ERC1: variants seen among roughly 807,000 people sequenced by gnomAD.
The protein encoded by ERC1 is ELKS/RAB6-interacting/CAST family member 1.
In ERC1, 56 loss-of-function variants were observed where a neutral mutation model predicts 132.0. The observed-to-expected ratio is 0.42, with a 90% CI of 0.34 to 0.53. The LOEUF (loss-of-function observed/expected upper bound fraction) is 0.53, where lower values mean the gene tolerates loss of function less well. Ranked by LOEUF, ERC1 falls within the 20% of genes least tolerant of loss-of-function variation. The pLI is 0.03. For missense variants in ERC1, 1,202 were observed against 1,349.9 expected (o/e 0.89, Z 1.72); for synonymous variants, 478 against 476.1 (o/e 1.00, Z -0.05).
intron 15 of ERC1, among the ~76,000 whole-genome samples, chr12:1,347,527 T>C (rs2084593620): frequency 6.6e-6 from 1 of 152,220 alleles, no homozygotes. Context: ...TGTAGTAATT[T>C]CTATATAGAG....
rs57458560 is a variant in ERC1, at chr12:1,296,401, C to CTTTTTTTTTT, written c.2780+6409_2780+6418dup. ...AGAAATGAAACATTTATTGGATAGT[C>CTTTTTTTTTT]TTTTTTTTTTTTTTTTTTTTTTTTT... is the stretch of plus-strand genomic sequence containing the variant. On this transcript the variant is annotated intron_variant, in intron 15 of 18. Coordinates refer to ENST00000360905, the MANE Select transcript of ERC1 (RefSeq NM_178040.4). Among the ~76,000 whole-genome samples, 68 of 76,238 alleles carry CTTTTTTTTTT rather than the reference C, an allele frequency of 8.9e-4. 7 individuals carry two copies. The highest frequency in any genetic ancestry group is 1.3e-3 in the Non-Finnish European group (55 of 42,126). 50.0% of individuals were successfully genotyped at this position (76,238 alleles called of 152,430 possible).
At chr12:1,462,291 A>G (rs1167898042) in intron 18 of ERC1, among the ~76,000 whole-genome samples, 1 of 152,236 alleles carries the variant, frequency 6.6e-6, no homozygotes, top group Non-Finnish European at 1.5e-5. Context: ...GCAGTTTCTT[A>G]TAGATGTACA....
intron 12 of ERC1, chr12:1,204,404 T>C: frequency 9.8e-7 from 1 of 1,024,002 alleles, no homozygotes; most frequent in Non-Finnish European, 1.5e-6. Context: ...TCCTGCATTT[T>C]ATGATGTCCA....
chr12:1,073,578 G>T (rs1230408339), intron 2 of ERC1, among the ~76,000 whole-genome samples: 1 of 151,496 alleles, frequency 6.6e-6, no homozygotes, highest in Non-Finnish European at 1.5e-5. Flanking sequence ...GAACTCTGAA[G>T]GCGGAGGTTG....
chr12:1,364,570 C>T (rs73038691), intron 15 of ERC1, among the ~76,000 whole-genome samples: 4,789 of 152,266 alleles, frequency 0.031, 81 homozygotes, highest in Middle Eastern at 0.071. Flanking sequence ...TCCAGTTCTA[C>T]GATGTGTCCT....
chr12:1,427,652 T>C (rs1352400522), intron 17 of ERC1, among the ~76,000 whole-genome samples: 1 of 152,226 alleles, frequency 6.6e-6, no homozygotes, highest in East Asian at 1.9e-4. Flanking sequence ...AAGACCTAAT[T>C]TGAATCCAGC....
intron 6 of ERC1, among the ~76,000 whole-genome samples, chr12:1,112,961 T>C (rs1418543184): frequency 6.6e-6 from 1 of 152,188 alleles, no homozygotes; most frequent in Non-Finnish European, 1.5e-5. Flanking sequence ...AACCAACTGT[T>C]TTTTATTTTC....
At chr12:1,130,463 T>C (rs558214342) in intron 7 of ERC1, among the ~76,000 whole-genome samples, 2 of 152,304 alleles carry the variant, frequency 1.3e-5, no homozygotes, top group African/African-American at 4.8e-5. Context: ...CTTTATCAGG[T>C]TTGCAGAGGC....
intron 12 of ERC1, among the ~76,000 whole-genome samples, chr12:1,217,174 T>C (rs1210744868): frequency 1.3e-5 from 2 of 152,180 alleles, no homozygotes; most frequent in African/African-American, 4.8e-5. Context: ...TGACAATATA[T>C]TTATTCTGTC....
intron 7 of ERC1, among the ~76,000 whole-genome samples, chr12:1,120,811 T>C (rs1016832206): frequency 6.6e-6 from 1 of 152,102 alleles, no homozygotes; most frequent in Admixed American, 6.5e-5. Flanking sequence ...GTTCTTTTTT[T>C]CGGAGGTGCT....
chr12:1,233,751 C>A (rs1399836226), intron 12 of ERC1, among the ~76,000 whole-genome samples: 2 of 152,016 alleles, frequency 1.3e-5, no homozygotes, highest in Non-Finnish European at 2.9e-5. Flanking sequence ...AAAAAAATCA[C>A]TGGCATTCAA....
chr12:1,306,312 G>T (rs1566544460), intron 15 of ERC1, among the ~76,000 whole-genome samples: 2 of 152,162 alleles, frequency 1.3e-5, no homozygotes, highest in Non-Finnish European at 2.9e-5. Context: ...CTGGGAAGTA[G>T]ACCAGGTGGT....
At chr12:1,332,198 G>A (rs556436373) in intron 15 of ERC1, among the ~76,000 whole-genome samples, 9 of 152,048 alleles carry the variant, frequency 5.9e-5, no homozygotes, top group Admixed American at 3.3e-4. Context: ...TTATCTTACA[G>A]TACTTTTGAA....
At chr12:1,263,256 T>G in intron 14 of ERC1, 91 bp downstream of exon 14, 1 of 1,319,170 alleles carries the variant, frequency 7.6e-7, no homozygotes, top group Non-Finnish European at 1.1e-6. Context: ...ATACATATTG[T>G]ATGTTTATAG....
intron 4 of ERC1, 97 bp from the exon 5 acceptor site, chr12:1,110,087 ATATTTGTC>A: frequency 1.0e-6 from 1 of 980,206 alleles, no homozygotes; most frequent in Non-Finnish European, 1.5e-6. Flanking sequence ...TTTTTTCTGT[ATATTTGTC>A]TATCTTTATT....
chr12:1,319,236 TAA>T, intron 15 of ERC1, among the ~76,000 whole-genome samples: 1 of 152,350 alleles, frequency 6.6e-6, no homozygotes, highest in Admixed American at 6.5e-5. Context: ...CCAGTTCTGC[TAA>T]GAGTGAAACT....
chr12:1,236,707 A>T lies in ERC1; in HGVS notation c.2352-62A>T, dbSNP rs537211765. The T allele has an allele frequency of 2.1e-3, 3,106 of 1,514,232 alleles. 14 individuals carry two copies. The highest frequency in any genetic ancestry group is 6.0e-3 in the Middle Eastern group (32 of 5,312). 93.8% of individuals were successfully genotyped at this position (1,514,232 alleles called of 1,614,324 possible). On this transcript the variant is annotated intron_variant, in intron 12 of 18. Transcript: ENST00000360905. ...TATTGTCACTGGTGTAAGTCTCTAG[A>T]TAAACATATTTGTTTCTATACATAC... is the stretch of plus-strand genomic sequence containing the variant.
intron 15 of ERC1, among the ~76,000 whole-genome samples, chr12:1,340,488 C>G (rs1452376736): frequency 6.6e-6 from 1 of 152,122 alleles, no homozygotes; most frequent in East Asian, 1.9e-4. Context: ...GATGAGGGGT[C>G]ATCTTCTGCT....
rs1195450655 is a variant in ERC1 at position 1,155,481 on chromosome 12, C to CT, written c.1737+13706dup. ...AATGGATAAAGAAAATTAAACTTTC[C>CT]TTTTTTTTTTTTGAGACGGAGTCTC... On this transcript the variant is annotated intron_variant, in intron 8 of 18. Coordinates refer to ENST00000360905, the MANE Select transcript of ERC1 (RefSeq NM_178040.4). 3.9e-3 allele frequency among the ~76,000 whole-genome samples: 574 copies of CT among 146,544 alleles called. 4 individuals are homozygous for CT. The highest frequency in any genetic ancestry group is 0.037 in the East Asian group (185 of 5,052).
Sources: allele counts gnomAD v4.1 joint callset (sites outside exome capture counted in the v4.1 genomes callset), GRCh38; gene constraint gnomAD v4.1.1; transcripts MANE v1.5; gene names NCBI Gene and HGNC (gene_info 2026-07-23, HGNC 2026-07-21).